Variants in ASH1L observed in about 807,000 individuals in gnomAD.
ASH1L encodes histone-lysine N-methyltransferase ASH1L.
ASH1L carries 23 observed loss-of-function variants against 269.0 expected under a neutral mutation model. That is an observed-to-expected ratio of 0.09 (90% CI 0.06 to 0.12). ASH1L has a LOEUF of 0.12. Ranked by LOEUF, ASH1L falls within the 10% of genes least tolerant of loss-of-function variation. The probability of loss-of-function intolerance (pLI) is 1.00; values close to 1 mark genes in which losing one functional copy is unlikely to be tolerated. For missense variants in ASH1L, 2,912 were observed against 3,567.8 expected, an observed-to-expected ratio of 0.82 and a Z score of 4.68; for synonymous variants, 1,187 against 1,253.5, an observed-to-expected ratio of 0.95 and a Z score of 1.12.
intron 16 of ASH1L, 112 bp downstream of exon 16, chr1:155,354,361 T>G (rs1654186283): frequency 4.2e-6 from 4 of 963,848 alleles, no homozygotes; most frequent in Non-Finnish European, 6.0e-6. Context: ...GATAATTGCT[T>G]GAACCCAGGA....
chr1:155,415,265 C>A (rs951800657), intron 6 of ASH1L, among the ~76,000 whole-genome samples: 1 of 151,658 alleles, frequency 6.6e-6, no homozygotes, highest in African/African-American at 2.4e-5. Flanking sequence ...CCCTGTACTC[C>A]CAGCTACTCG....
intron 4 of ASH1L, among the ~76,000 whole-genome samples, chr1:155,439,847 A>AT (rs968766692): frequency 9.9e-5 from 15 of 151,580 alleles, no homozygotes. Context: ...ATATTCCTTT[A>AT]TTAGCCTCAG....
intron 1 of ASH1L, among the ~76,000 whole-genome samples, chr1:155,534,666 C>G (rs1669928047): frequency 6.6e-6 from 1 of 151,892 alleles, no homozygotes; most frequent in African/African-American, 2.4e-5. Flanking sequence ...TTTTAGGTAC[C>G]TGTGAAACAT....
intron 1 of ASH1L, among the ~76,000 whole-genome samples, chr1:155,560,553 A>G (rs1217505107): frequency 6.6e-6 from 1 of 152,080 alleles, no homozygotes; most frequent in East Asian, 1.9e-4. Context: ...GCCTCCCTCA[A>G]CTTAATACCC....
chr1:155,341,937 G>C lies in ASH1L; in HGVS notation c.8459C>G (p.Ser2820Trp). ...PKKLTPKKDF[S>W]PHYVPDNYKR... ...TGTTAAGAAAGGAAGGAGACTCACC[G>C]AGAAATCTTTTTTGGGAGTGAGCTT... The change falls in exon 25 of 28, where the codon TCG (serine) becomes TGG (tryptophan). Residue 2820 changes from serine to tryptophan, a missense_variant and splice_region_variant. Ser to Trp is a radical substitution (Grantham distance 177, BLOSUM62 -3). This residue lies in a region of ASH1L where 179 missense variants were observed against 293.8 expected (regional missense o/e 0.61). Coordinates refer to ENST00000392403, the MANE Select transcript of ASH1L (RefSeq NM_018489.3). The C allele has an allele frequency of 6.2e-7, 1 of 1,614,012 alleles. No individual in the cohort carries two copies. The highest frequency in any genetic ancestry group is 8.5e-7 in the Non-Finnish European group (1 of 1,179,890).
At chr1:155,426,282 C>G (rs1313600116) in intron 5 of ASH1L, among the ~76,000 whole-genome samples, 6 of 151,552 alleles carry the variant, frequency 4.0e-5, no homozygotes, top group African/African-American at 1.5e-4. Flanking sequence ...GTTGCCCAGG[C>G]TGGTCTCGAA....
At chr1:155,468,181 C>A (rs1038179103) in intron 3 of ASH1L, among the ~76,000 whole-genome samples, 1 of 149,922 alleles carries the variant, frequency 6.7e-6, no homozygotes, top group Non-Finnish European at 1.5e-5. Flanking sequence ...GTCCTTGATA[C>A]TTTTTAGTAC....
At chr1:155,516,320 A>T (rs1668500072) in intron 2 of ASH1L, among the ~76,000 whole-genome samples, 1 of 152,216 alleles carries the variant, frequency 6.6e-6, no homozygotes, top group African/African-American at 2.4e-5. Flanking sequence ...CACAGTAAGT[A>T]AACCTAGTGT....
chr1:155,435,824 G>A (rs1014245625), intron 5 of ASH1L, among the ~76,000 whole-genome samples: 1 of 152,214 alleles, frequency 6.6e-6, no homozygotes, highest in African/African-American at 2.4e-5. Context: ...GCTGAGACGG[G>A]TGGATCACCT....
At position 155,481,094 on chromosome 1, in the gene ASH1L, G is replaced by A. The variant is rs371788736; in HGVS notation, c.1776C>T (p.Ile592=). The part of the protein sequence containing the change: ...PLLLSSTTEL[I]EEISESVGKN... ...TTCCAACAGATTCAGAAATTTCTTC[G>A]ATTAGTTCTGTAGTAGAACTTAAAA... Residue 592 remains isoleucine (I), a synonymous_variant, in exon 3 of 28, where the codon ATC becomes ATT. Transcript: ENST00000392403. 73 of 1,614,004 alleles carry A rather than the reference G, an allele frequency of 4.5e-5. No homozygotes were observed. Among genetic ancestry groups the A allele is most frequent in the African/African-American group, 8.0e-5 (6 of 75,020 alleles).
rs1489201836 is a variant in ASH1L at position 155,562,568 on chromosome 1, C to G, written c.-515G>C. ...CGTTCTTTCCCACCGTCCCCCGCTC[C>G]GCCCGACTCCGTCCGCGTAGCGCGC... On this transcript the variant is annotated 5_prime_UTR_variant, in exon 1 of 28. Coordinates refer to ENST00000392403, the MANE Select transcript of ASH1L (RefSeq NM_018489.3). 6.5e-7 allele frequency: 1 copy of G among 1,529,596 alleles called. No individual in the cohort carries two copies. Among genetic ancestry groups the G allele is most frequent in the Non-Finnish European group, 8.8e-7 (1 of 1,141,124 alleles). 94.8% of individuals were successfully genotyped at this position (1,529,596 alleles called of 1,614,324 possible).
chr1:155,373,874 G>A (rs1656197245), intron 10 of ASH1L, among the ~76,000 whole-genome samples: 1 of 152,082 alleles, frequency 6.6e-6, no homozygotes, highest in African/African-American at 2.4e-5. Context: ...TTTCCATGTT[G>A]CCCAGGCTGG....
intron 4 of ASH1L, among the ~76,000 whole-genome samples, chr1:155,455,802 GACAA>G (rs907284550): frequency 2.6e-5 from 4 of 152,170 alleles, no homozygotes; most frequent in Admixed American, 6.5e-5. Context: ...TTCTGGGTCT[GACAA>G]ACAATATAAA....
At chr1:155,542,793 C>T (rs1299192307) in intron 1 of ASH1L, among the ~76,000 whole-genome samples, 1 of 151,036 alleles carries the variant, frequency 6.6e-6, no homozygotes, top group Non-Finnish European at 1.5e-5. Context: ...GATTCTCCTG[C>T]CTCAGCCTCC....
intron 1 of ASH1L, among the ~76,000 whole-genome samples, chr1:155,559,764 A>G (rs1289029532): frequency 6.6e-6 from 1 of 152,168 alleles, no homozygotes; most frequent in Admixed American, 6.6e-5. Context: ...CATCTCTTCA[A>G]GCACAGAGAC....
At chr1:155,405,692 T>C (rs1171268663) in intron 6 of ASH1L, among the ~76,000 whole-genome samples, 4 of 151,484 alleles carry the variant, frequency 2.6e-5, no homozygotes, top group Non-Finnish European at 5.9e-5. Context: ...TAGCCGGGCA[T>C]GGTGGTGTGG....
At chr1:155,361,936 C>G (rs1654989696) in intron 12 of ASH1L, among the ~76,000 whole-genome samples, 1 of 151,290 alleles carries the variant, frequency 6.6e-6, no homozygotes, top group East Asian at 1.9e-4. Context: ...CTTTTTATGG[C>G]TTACCTATAC....
chr1:155,452,704 G>A (rs1663578372), intron 4 of ASH1L, among the ~76,000 whole-genome samples: 3 of 151,920 alleles, frequency 2.0e-5, no homozygotes, highest in South Asian at 2.1e-4. Context: ...ACAGGTGTGC[G>A]TGACCATGTC....
chr1:155,465,941 T>C (rs150390865), intron 3 of ASH1L, among the ~76,000 whole-genome samples: 28 of 152,296 alleles, frequency 1.8e-4, no homozygotes, highest in Non-Finnish European at 3.2e-4. Flanking sequence ...GGGTCCACAA[T>C]AAAAACAGCT....
Sources: allele counts gnomAD v4.1 joint callset (sites outside exome capture counted in the v4.1 genomes callset), GRCh38; gene constraint gnomAD v4.1.1; regional missense constraint gnomAD v4.1.1; transcripts MANE v1.5; gene names NCBI Gene and HGNC (gene_info 2026-07-23, HGNC 2026-07-21).